The following UBE2E3 variants were observed in gnomAD, a reference collection of about 807,000 sequenced individuals.
UBE2E3 encodes the protein ubiquitin-conjugating enzyme E2 E3.
A neutral mutation model predicts 23.6 loss-of-function variants in UBE2E3; 5 were observed. The observed-to-expected ratio is 0.21, with a 90% CI of 0.11 to 0.44. UBE2E3 has a LOEUF of 0.44. UBE2E3 is among the 20% of genes least tolerant of loss of function. UBE2E3 has a pLI of 0.99. For synonymous variants in UBE2E3, 78 were observed against 87.5 expected, an observed-to-expected ratio of 0.89 and a Z score of 0.60; for missense variants, 81 against 249.8, an observed-to-expected ratio of 0.32 and a Z score of 4.55.
At chr2:181,004,547 C>T (rs192306295) in intron 3 of UBE2E3, among the ~76,000 whole-genome samples, 1 of 152,142 alleles carries the variant, frequency 6.6e-6, no homozygotes, top group Non-Finnish European at 1.5e-5. Context: ...GCAGGAGAAT[C>T]ACTTGAAACA....
intron 3 of UBE2E3, among the ~76,000 whole-genome samples, chr2:180,992,279 C>T (rs1684682841): frequency 6.6e-6 from 1 of 151,994 alleles, no homozygotes; most frequent in Non-Finnish European, 1.5e-5. Flanking sequence ...TCCATTCATT[C>T]TAGATACACA....
At chr2:180,988,999 A>G (rs142274949) in intron 3 of UBE2E3, among the ~76,000 whole-genome samples, 68 of 152,300 alleles carry the variant, frequency 4.5e-4, no homozygotes, top group African/African-American at 9.9e-4. Flanking sequence ...CTACTCTGAC[A>G]AAGTATTTTT....
chr2:181,016,950 G>A (rs1482271419), intron 3 of UBE2E3, among the ~76,000 whole-genome samples: 2 of 152,180 alleles, frequency 1.3e-5, no homozygotes, highest in Non-Finnish European at 2.9e-5. Flanking sequence ...CCAGAGCCTG[G>A]AAATGCCATA....
intron 3 of UBE2E3, among the ~76,000 whole-genome samples, chr2:181,013,523 G>A (rs762014728): frequency 1.3e-5 from 2 of 152,116 alleles, no homozygotes; most frequent in Non-Finnish European, 2.9e-5. Context: ...CCTACCTGTA[G>A]GCTGCTTAAG....
At chr2:181,021,212 C>A (rs2105625001) in intron 3 of UBE2E3, among the ~76,000 whole-genome samples, 1 of 152,196 alleles carries the variant, frequency 6.6e-6, no homozygotes, top group East Asian at 1.9e-4. Flanking sequence ...TTTTTGCTGA[C>A]AAATAAGATA....
At chr2:180,987,303 G>C (rs1455557323) in intron 3 of UBE2E3, 1 of 1,547,744 alleles carries the variant, frequency 6.5e-7, no homozygotes, top group Non-Finnish European at 8.7e-7. Context: ...TTAGTGATGT[G>C]TTATTAAGAC....
chr2:180,983,600 C>T (rs945545361), intron 2 of UBE2E3, among the ~76,000 whole-genome samples: 2 of 152,112 alleles, frequency 1.3e-5, no homozygotes, highest in African/African-American at 4.8e-5. Context: ...AAAATATTGT[C>T]AGAACTGTTA....
rs761432543 is a variant in UBE2E3 at position 180,999,117 on chromosome 2, C to G, written c.245+15024C>G. ...ACCAGTACTGCTAAATGACAGTTAT[C>G]TAATCTCACTGATGAACAAGAATAT... On this transcript the variant is annotated intron_variant, in intron 3 of 5. Transcript: ENST00000410062. 4.3e-4 allele frequency among the ~76,000 whole-genome samples: 66 copies of G among 152,198 alleles called. 1 individual carries two copies. The highest frequency in any genetic ancestry group is 3.6e-3 in the Admixed American group (55 of 15,294).
intron 1 of UBE2E3, 34 bp downstream of exon 1, chr2:180,981,007 G>GGGGCCGCGTGGGGT (rs1684268861): frequency 6.8e-6 from 1 of 146,358 alleles, no homozygotes; most frequent in South Asian, 1.8e-4. Context: ...CGCGTGGGGG[G>GGGGCCGCGTGGGGT]CGGCCGGGGC....
At chr2:180,991,086 A>G (rs755353495) in intron 3 of UBE2E3, among the ~76,000 whole-genome samples, 1 of 152,218 alleles carries the variant, frequency 6.6e-6, no homozygotes, top group African/African-American at 2.4e-5. Context: ...AATAGTTTCA[A>G]GTCAGTTCAC....
chr2:180,984,357 A>G (rs1353499288), intron 3 of UBE2E3, among the ~76,000 whole-genome samples: 1 of 152,132 alleles, frequency 6.6e-6, no homozygotes, highest in East Asian at 1.9e-4. Context: ...TTTTGTTCTG[A>G]TGTATTTCTG....
intron 3 of UBE2E3, among the ~76,000 whole-genome samples, chr2:181,014,512 C>G (rs1203124889): frequency 6.6e-6 from 1 of 152,046 alleles, no homozygotes; most frequent in Non-Finnish European, 1.5e-5. Flanking sequence ...GGTCAACTTT[C>G]AGTGATTGAT....
chr2:181,054,417 G>T (rs575686594), intron 3 of UBE2E3, among the ~76,000 whole-genome samples: 2 of 151,866 alleles, frequency 1.3e-5, no homozygotes, highest in South Asian at 4.1e-4. Flanking sequence ...TGGTGTTTTG[G>T]ATTTGGGCCA....
intron 4 of UBE2E3, among the ~76,000 whole-genome samples, chr2:181,058,967 C>CT (rs1468465536): frequency 6.6e-6 from 1 of 151,694 alleles, no homozygotes; most frequent in Non-Finnish European, 1.5e-5. Flanking sequence ...GAAAAAGACT[C>CT]TTAAGTTTTC....
At chr2:181,050,001 T>C (rs1217703746) in intron 3 of UBE2E3, among the ~76,000 whole-genome samples, 1 of 152,004 alleles carries the variant, frequency 6.6e-6, no homozygotes. Context: ...ATTTCAAAAA[T>C]CTTACTTTCA....
intron 3 of UBE2E3, among the ~76,000 whole-genome samples, chr2:181,028,365 T>C (rs1283145661): frequency 6.6e-6 from 1 of 152,054 alleles, no homozygotes; most frequent in Non-Finnish European, 1.5e-5. Flanking sequence ...AATCGTACTG[T>C]GAAGATTACT....
chr2:181,058,507 T>C (rs1286105283), intron 4 of UBE2E3, among the ~76,000 whole-genome samples: 4 of 151,718 alleles, frequency 2.6e-5, no homozygotes, highest in African/African-American at 4.8e-5. Flanking sequence ...GTTTCTACAA[T>C]GGTCAAGTCA....
chr2:181,001,927 G>A (rs1251546394), intron 3 of UBE2E3, among the ~76,000 whole-genome samples: 2 of 152,080 alleles, frequency 1.3e-5, no homozygotes, highest in East Asian at 3.8e-4. Flanking sequence ...ATTTGTTGAC[G>A]AAAAGAAATG....
chr2:181,037,525 T>A (rs1009573471), intron 3 of UBE2E3, among the ~76,000 whole-genome samples: 1 of 152,060 alleles, frequency 6.6e-6, no homozygotes, highest in African/African-American at 2.4e-5. Context: ...CAAAAAAAGT[T>A]TAAAAAATTA....
Sources: allele counts gnomAD v4.1 joint callset (sites outside exome capture counted in the v4.1 genomes callset), GRCh38; gene constraint gnomAD v4.1.1; transcripts MANE v1.5; gene names NCBI Gene and HGNC (gene_info 2026-07-23, HGNC 2026-07-21).